Variants in ANKRD28 observed in about 807,000 individuals in gnomAD.
ANKRD28 encodes serine/threonine-protein phosphatase 6 regulatory ankyrin repeat subunit A.
A neutral mutation model predicts 126.5 loss-of-function variants in ANKRD28; 44 were observed. The observed-to-expected ratio is 0.35, with a 90% CI of 0.27 to 0.45. The LOEUF (loss-of-function observed/expected upper bound fraction) is 0.45. ANKRD28 is among the 20% of genes least tolerant of loss of function. The probability of loss-of-function intolerance (pLI) is 1.00; values close to 1 mark genes in which losing one functional copy is unlikely to be tolerated. For synonymous variants in ANKRD28, 442 were observed against 468.5 expected (o/e 0.94, Z 0.73); for missense variants, 1,110 against 1,316.6 (o/e 0.84, Z 2.43).
intron 4 of ANKRD28, among the ~76,000 whole-genome samples, chr3:15,741,697 C>CTTTTTTTTTTTTTTTTT (rs58655271): frequency 3.0e-4 from 10 of 33,662 alleles, no homozygotes; most frequent in African/African-American, 4.5e-4. Flanking sequence ...TGGTTCTATC[C>CTTTTTTTTTTTTTTTTT]TTTTTTTTTT....
intron 6 of ANKRD28, among the ~76,000 whole-genome samples, chr3:15,728,342 T>C (rs2074341393): frequency 6.6e-6 from 1 of 152,242 alleles, no homozygotes; most frequent in African/African-American, 2.4e-5. Context: ...TCACCCTGGC[T>C]GAAATGCAGT....
Position 15,813,456 on chromosome 3 carries a change from G to C in ANKRD28, c.28-18150C>G, listed in dbSNP as rs2060767285. 2.0e-5 allele frequency among the ~76,000 whole-genome samples: 3 copies of C among 152,106 alleles called. No individual in the cohort carries two copies. In the South Asian group the frequency reaches 6.2e-4, roughly 31 times the overall value. On this transcript the variant is annotated intron_variant, in intron 1 of 27. Transcript: ENST00000399451. ...CCCAGTAAGGATGATTCTTTGTTCT[G>C]AAACAACTTTACATCAAGTCTACTT...
chr3:15,730,396 T>C (rs1003749696), intron 6 of ANKRD28, among the ~76,000 whole-genome samples: 3 of 152,104 alleles, frequency 2.0e-5, no homozygotes, highest in African/African-American at 7.2e-5. Flanking sequence ...TTCAATAGCA[T>C]AAGTATAAGA....
chr3:15,711,012 T>A (rs1402157319), intron 12 of ANKRD28, among the ~76,000 whole-genome samples, 199 bp downstream of exon 12: 1 of 152,102 alleles, frequency 6.6e-6, no homozygotes, highest in Non-Finnish European at 1.5e-5. Flanking sequence ...TCTCTCTCTC[T>A]CTCACTCATA....
At chr3:15,687,523 A>C (rs1264529110) in intron 18 of ANKRD28, among the ~76,000 whole-genome samples, 1 of 152,216 alleles carries the variant, frequency 6.6e-6, no homozygotes, top group African/African-American at 2.4e-5. Flanking sequence ...TTAAAGAAAT[A>C]CATTAGAAAA....
rs199790212 is a variant in ANKRD28 at position 15,696,146 on chromosome 3, T to C, written c.1647A>G (p.Leu549=). ...VHYSAAYGHR[L]CLQLIASETP... is the part of the protein sequence containing the mutation. ...TCAGGAATCTTACCAGCTGAAGACA[T>C]AGACGGTGACCATAAGCAGCTGAAT... The change falls in exon 15 of 28, where the codon CTA becomes CTG. Residue 549 remains leucine, a synonymous_variant. Coordinates refer to ENST00000683139, the MANE Select transcript of ANKRD28 (RefSeq NM_001349278.2). The C allele has an allele frequency of 4.6e-5, 73 of 1,579,144 alleles. No homozygotes were observed. The highest frequency in any genetic ancestry group is 1.7e-4 in the Middle Eastern group (1 of 6,036).
At chr3:15,708,862 T>C (rs551951334) in intron 13 of ANKRD28, among the ~76,000 whole-genome samples, 2 of 152,326 alleles carry the variant, frequency 1.3e-5, no homozygotes, top group African/African-American at 4.8e-5. Flanking sequence ...TGCATTGACA[T>C]ATATTCACAC....
intron 2 of ANKRD28, among the ~76,000 whole-genome samples, chr3:15,783,931 G>A (rs2059653103): frequency 6.6e-6 from 1 of 151,792 alleles, no homozygotes; most frequent in Non-Finnish European, 1.5e-5. Context: ...AGTAGCCAGA[G>A]GAAAAAACTT....
rs372111227 is a variant in ANKRD28, at chr3:15,678,259, C to T, written c.2657G>A (p.Gly886Glu). 35 of 1,612,388 alleles carry T rather than the reference C, an allele frequency of 2.2e-5. No individual in the cohort carries two copies. Among genetic ancestry groups the T allele is most frequent in the African/African-American group, 2.7e-5 (2 of 74,850 alleles). The change falls in exon 24 of 28, where the codon GGG becomes GAG. Residue 886 changes from glycine to glutamate, a missense_variant. Coordinates refer to ENST00000683139, the MANE Select transcript of ANKRD28 (RefSeq NM_001349278.2). ...TGCAGCCATCATAAGAGGTGTTTTC[C>T]CTGTAGAGTCCACAGAATTGACTTG... ...NAQVNSVDST[G>E]KTPLMMAAEN...
At chr3:15,681,719 T>C (rs9854605) in intron 21 of ANKRD28, among the ~76,000 whole-genome samples, 6,279 of 152,290 alleles carry the variant, frequency 0.041, 421 homozygotes, top group African/African-American at 0.14. Context: ...TGTCAGTTCT[T>C]TTCTCTAATC....
rs1314046592 is a variant in ANKRD28 at position 15,838,979 on chromosome 3, T to C, written c.27+20398A>G. 1.3e-5 allele frequency among the ~76,000 whole-genome samples: 2 copies of C among 152,080 alleles called. No individual in the cohort carries two copies. ...CAACATGAATGAACCTCAACAACAT[T>C]TATACCAAATTTTTAAAAGCCAGAC... On this transcript the variant is annotated intron_variant, in intron 1 of 27. Transcript: ENST00000399451. This position sits in a 1 kb window ranked among gnomAD's most constrained non-coding sequence, Gnocchi z 4.0.
At chr3:15,755,764 T>C (rs930756050) in intron 3 of ANKRD28, among the ~76,000 whole-genome samples, 2 of 152,184 alleles carry the variant, frequency 1.3e-5, no homozygotes, top group Non-Finnish European at 2.9e-5. Flanking sequence ...TGGTAGAAGA[T>C]AGTATTTGTG....
chr3:15,793,806 C>G (rs1159352919), intron 2 of ANKRD28, among the ~76,000 whole-genome samples: 1 of 152,222 alleles, frequency 6.6e-6, no homozygotes, highest in South Asian at 2.1e-4. Flanking sequence ...TGCCTCACGC[C>G]TGTAATCCCA....
chr3:15,765,637 C>T (rs576154834), intron 3 of ANKRD28, among the ~76,000 whole-genome samples: 2 of 151,970 alleles, frequency 1.3e-5, no homozygotes, highest in African/African-American at 4.8e-5. Flanking sequence ...GTCAGGAGAT[C>T]GAGATCATCC....
chr3:15,676,472 A>C (rs2066950037), intron 26 of ANKRD28: 1 of 156,456 alleles, frequency 6.4e-6, no homozygotes. Flanking sequence ...CAATATTCTA[A>C]GATTTTTATC....
intron 1 of ANKRD28, among the ~76,000 whole-genome samples, chr3:15,826,192 A>C (rs1185569698): frequency 6.6e-6 from 1 of 152,266 alleles, no homozygotes; most frequent in East Asian, 1.9e-4. Flanking sequence ...TAGAAAGTTA[A>C]GAAAATAGAT....
intron 26 of ANKRD28, 118 bp downstream of exon 26, chr3:15,676,856 T>C: frequency 4.2e-6 from 3 of 720,794 alleles, no homozygotes; most frequent in Non-Finnish European, 6.6e-6. Flanking sequence ...GTAAAACTAT[T>C]AAAATTGCTT....
chr3:15,831,721 T>C (rs1377235671), intron 1 of ANKRD28, among the ~76,000 whole-genome samples: 2 of 152,210 alleles, frequency 1.3e-5, no homozygotes, highest in Non-Finnish European at 2.9e-5. Context: ...TATTTGATGA[T>C]GGAAAGCAAT....
intron 4 of ANKRD28, among the ~76,000 whole-genome samples, chr3:15,741,246 T>C (rs1400356042): frequency 1.3e-5 from 2 of 151,854 alleles, no homozygotes; most frequent in East Asian, 3.9e-4. Context: ...ACAATAGCAG[T>C]GATCTTTGAA....
Sources: gnomAD v4.1 joint callset for allele counts (sites outside exome capture counted in the v4.1 genomes callset) on GRCh38, gnomAD v4.1.1 for gene constraint, Gnocchi (gnomAD v3.1) non-coding constraint, MANE v1.5 for transcripts, NCBI Gene and HGNC (gene_info 2026-07-23, HGNC 2026-07-21) for gene names.